Variants in AGBL4 observed in about 807,000 individuals in gnomAD.
The protein encoded by AGBL4 is cytosolic carboxypeptidase 6.
AGBL4 carries 58 observed loss-of-function variants against 66.4 expected under a neutral mutation model. That is an observed-to-expected ratio of 0.87 (90% CI 0.71 to 1.09). AGBL4 has a LOEUF of 1.09. Among genes scored for constraint, AGBL4 ranks in the 50% least tolerant of loss-of-function variants. The pLI is 0.00. For synonymous variants in AGBL4, 234 were observed against 222.9 expected (o/e 1.05, Z -0.44); for missense variants, 579 against 631.0 (o/e 0.92, Z 0.88).
chr1:49,505,447 A>G (rs1476507888), intron 3 of AGBL4, among the ~76,000 whole-genome samples: 1 of 151,828 alleles, frequency 6.6e-6, no homozygotes, highest in Non-Finnish European at 1.5e-5. Flanking sequence ...TTGTTTGTCT[A>G]GGAAAGTGTT....
At chr1:49,829,667 T>G (rs111835375) in intron 2 of AGBL4, among the ~76,000 whole-genome samples, 2 of 152,224 alleles carry the variant, frequency 1.3e-5, no homozygotes, top group Non-Finnish European at 2.9e-5. Context: ...TGCGGAACGG[T>G]GCAGGTTTGT....
At chr1:48,801,571 C>G (rs1645808746) in intron 6 of AGBL4, among the ~76,000 whole-genome samples, 2 of 152,160 alleles carry the variant, frequency 1.3e-5, no homozygotes, top group Non-Finnish European at 1.5e-5. Flanking sequence ...TCTTGCTCAG[C>G]TGCCTAAATC....
chr1:49,681,242 T>A (rs893768844), intron 3 of AGBL4, among the ~76,000 whole-genome samples: 49 of 152,230 alleles, frequency 3.2e-4, no homozygotes, highest in Non-Finnish European at 3.4e-4. Flanking sequence ...AAGTTGAGAT[T>A]TCCCCAGTTC....
intron 5 of AGBL4, among the ~76,000 whole-genome samples, chr1:48,905,540 CATTT>C (rs1201479237): frequency 6.6e-6 from 1 of 152,150 alleles, no homozygotes; most frequent in Non-Finnish European, 1.5e-5. Flanking sequence ...TAACAGCTCT[CATTT>C]ATTTGAGAAC....
intron 6 of AGBL4, among the ~76,000 whole-genome samples, chr1:48,663,585 T>C (rs1399690861): frequency 6.6e-6 from 1 of 152,150 alleles, no homozygotes; most frequent in Non-Finnish European, 1.5e-5. Flanking sequence ...CATTTTCTAA[T>C]CTATAAACAA....
At position 49,245,835 on chromosome 1, in the gene AGBL4, A is replaced by G. The variant is rs1374875600; in HGVS notation, c.312T>C (p.Ser104=). The G allele has an allele frequency of 6.5e-7, 1 of 1,549,638 alleles. No homozygotes were observed. Among genetic ancestry groups the G allele is most frequent in the South Asian group, 1.2e-5 (1 of 83,984 alleles). The change falls in exon 4 of 14, where the codon AGT becomes AGC. Residue 104 remains serine (S), a synonymous_variant. Coordinates refer to ENST00000371839, the MANE Select transcript of AGBL4 (RefSeq NM_032785.4). The part of the protein sequence containing the change: ...QRVIFNIVNF[S]KTKSLYRDGM... ...CATCTCTATAGAGACTCTTGGTTTT[A>G]CTGAAGTTAACAATGTTGAAAATGA...
chr1:49,276,382 CAA>C (rs1241058321), intron 3 of AGBL4, among the ~76,000 whole-genome samples: 1 of 152,078 alleles, frequency 6.6e-6, no homozygotes, highest in African/African-American at 2.4e-5. Flanking sequence ...TGAAACTTTT[CAA>C]AGTTTCAAAG....
intron 4 of AGBL4, among the ~76,000 whole-genome samples, chr1:49,146,401 T>A (rs896713784): frequency 5.3e-5 from 8 of 151,808 alleles, no homozygotes; most frequent in Non-Finnish European, 1.2e-4. Flanking sequence ...CTACAAAAAT[T>A]AAAAATAAAA....
chr1:49,151,924 A>G (rs1646343850), intron 4 of AGBL4, among the ~76,000 whole-genome samples: 1 of 152,138 alleles, frequency 6.6e-6, no homozygotes. Context: ...AGGCTTCCAG[A>G]GGAAGGAATT....
At chr1:49,806,129 C>T (rs1206402404) in intron 2 of AGBL4, among the ~76,000 whole-genome samples, 1 of 152,100 alleles carries the variant, frequency 6.6e-6, no homozygotes. Flanking sequence ...AAGGGTGGCT[C>T]TGATGAAGGC....
chr1:49,851,465 C>G lies in AGBL4; in HGVS notation c.88G>C (p.Val30Leu). The G allele has an allele frequency of 1.9e-6, 3 of 1,550,254 alleles. No homozygotes were observed. Among genetic ancestry groups the G allele is most frequent in the Non-Finnish European group, 2.6e-6 (3 of 1,146,104 alleles). The change falls in exon 2 of 14, where the codon GTG (valine) becomes CTG (leucine). Residue 30 changes from valine to leucine, a missense_variant. By Grantham distance (32) the Val-to-Leu change is conservative (BLOSUM62 1). Coordinates refer to ENST00000371839, the MANE Select transcript of AGBL4 (RefSeq NM_032785.4). ...TGTCCACAATAGCCAGTTGGAAGCA[C>G]TATATATTTGCTCACATTCCCTCCA... ...AIGGNVSKYI[V>L]LPTGYCGQPK...
Position 49,340,670 on chromosome 1 carries a change from A to C in AGBL4, c.283-94806T>G, listed in dbSNP as rs1645521863. Among the ~76,000 whole-genome samples the C allele has an allele frequency of 2.0e-5, 3 of 152,158 alleles. No individual in the cohort carries two copies. In the South Asian group the frequency reaches 6.2e-4, roughly 32 times the overall value. ...GGATGCCCAAAGATATTTAAGTCCTAATGTCAGAGACTTTCAAACCAGAGC... is the reference window on the plus strand; with the variant it reads ...GGATGCCCAAAGATATTTAAGTCCTCATGTCAGAGACTTTCAAACCAGAGC... On this transcript the variant is annotated intron_variant, in intron 3 of 13. Transcript: ENST00000371839.
At chr1:49,755,599 C>T (rs762175717) in intron 2 of AGBL4, among the ~76,000 whole-genome samples, 9 of 152,134 alleles carry the variant, frequency 5.9e-5, no homozygotes, top group Non-Finnish European at 1.0e-4. Context: ...TTCTTGAGCA[C>T]ACACACACAA....
intron 6 of AGBL4, among the ~76,000 whole-genome samples, chr1:48,862,737 T>C (rs1184603083): frequency 6.6e-6 from 1 of 152,232 alleles, no homozygotes; most frequent in Admixed American, 6.5e-5. Flanking sequence ...TACTGCATTT[T>C]GGTTACATCA....
At position 49,802,149 on chromosome 1, in the gene AGBL4, C is replaced by T. The variant is rs191626764; in HGVS notation, c.157+49247G>A. Among the ~76,000 whole-genome samples, 393 of 152,248 alleles carry T rather than the reference C, an allele frequency of 2.6e-3. 1 individual carries two copies. The highest frequency in any genetic ancestry group is 8.1e-3 in the African/African-American group (337 of 41,544). Reference sequence around the variant, plus strand: ...CCCCTGCAGAGAGCCTATGAATGGACGTGCAGTCAGGGAGTTTTCACATCA... The same window carrying T: ...CCCCTGCAGAGAGCCTATGAATGGATGTGCAGTCAGGGAGTTTTCACATCA... On this transcript the variant is annotated intron_variant, in intron 2 of 13. Transcript: ENST00000371839.
At chr1:48,591,069 AC>A in intron 9 of AGBL4, 84 bp from the exon 10 acceptor site, 3 of 1,018,726 alleles carry the variant, frequency 2.9e-6, no homozygotes, top group Non-Finnish European at 4.0e-6. Context: ...ACACACACAC[AC>A]CCCCCACACA....
intron 3 of AGBL4, among the ~76,000 whole-genome samples, chr1:49,344,679 C>T (rs1183707454): frequency 6.6e-6 from 1 of 152,150 alleles, no homozygotes; most frequent in African/African-American, 2.4e-5. Context: ...TTTATGTAAT[C>T]TTACCTTATG....
At chr1:49,842,777 G>C (rs1646031001) in intron 2 of AGBL4, among the ~76,000 whole-genome samples, 1 of 152,002 alleles carries the variant, frequency 6.6e-6, no homozygotes, top group African/African-American at 2.4e-5. Context: ...GCCTCTCTAA[G>C]GAGGTGACAT....
chr1:49,705,524 C>T (rs1369406017), intron 2 of AGBL4, among the ~76,000 whole-genome samples: 3 of 151,916 alleles, frequency 2.0e-5, no homozygotes, highest in African/African-American at 7.3e-5. Flanking sequence ...TTTGAATACC[C>T]TTTTTATTTC....
Sources: allele counts gnomAD v4.1 joint callset (sites outside exome capture counted in the v4.1 genomes callset), GRCh38; gene constraint gnomAD v4.1.1; transcripts MANE v1.5; gene names NCBI Gene and HGNC (gene_info 2026-07-23, HGNC 2026-07-21).